Variants in COQ10A observed in about 807,000 individuals in gnomAD.
The protein encoded by COQ10A is coenzyme Q-binding protein COQ10 homolog A, mitochondrial.
In COQ10A, 25 loss-of-function variants were observed where a neutral mutation model predicts 26.1. The ratio of observed to expected loss-of-function variants is 0.96; its 90% CI spans 0.70 to 1.34. COQ10A has a LOEUF of 1.34. Ranked by LOEUF, COQ10A falls within the 40% of genes most tolerant of loss-of-function variation. The pLI, the probability that COQ10A is intolerant of heterozygous loss-of-function variation, is 0.00. For missense variants in COQ10A, 312 were observed against 335.4 expected (o/e 0.93, Z 0.54); for synonymous variants, 132 against 124.0 (o/e 1.06, Z -0.43).
At chr12:56,267,373 G>T (rs1872380016) in intron 1 of COQ10A, 121 bp downstream of exon 1, 1 of 1,613,950 alleles carries the variant, frequency 6.2e-7, no homozygotes, top group African/African-American at 1.3e-5. Flanking sequence ...CATGCCCTGG[G>T]AGCTAACGTA....
Position 56,270,166 on chromosome 12 carries a change from G to A in COQ10A, c.593G>A (p.Arg198His), listed in dbSNP as rs200814186. The A allele has an allele frequency of 4.1e-5, 66 of 1,613,764 alleles. No individual in the cohort carries two copies. The Admixed American group carries it at 7.0e-4, about 17-fold the overall frequency. Residue 198 changes from arginine (R) to histidine (H), a missense_variant, in exon 5 of 5, where the codon CGT becomes CAT. Coordinates refer to ENST00000308197, the MANE Select transcript of COQ10A (RefSeq NM_144576.4). Reference sequence around the variant, plus strand: ...CATTCCCAGATTTCCTTTGAATTTCGTTCTCTGCTGCACTCCCAGCTGGCC... The same window carrying A: ...CATTCCCAGATTTCCTTTGAATTTCATTCTCTGCTGCACTCCCAGCTGGCC... Reference protein sequence around the residue: ...TVDFSISFEFRSLLHSQLATM... With the variant: ...TVDFSISFEFHSLLHSQLATM...
chr12:56,268,208 C>T (rs1222112253), intron 2 of COQ10A: 2 of 445,104 alleles, frequency 4.5e-6, no homozygotes, highest in Admixed American at 3.8e-5. Flanking sequence ...CGGTGGCTCA[C>T]GCCTGTAATC....
intron 4 of COQ10A, chr12:56,269,927 G>A: frequency 1.7e-6 from 1 of 579,032 alleles, no homozygotes; most frequent in Non-Finnish European, 3.1e-6. Flanking sequence ...GCACCGACCT[G>A]ACAGGGTTAT....
rs1872366035 is a variant in COQ10A, at chr12:56,266,998, C to T, written c.-121C>T. ...GCAAGGCGAGAGGTGCTGCCGCCTC[C>T]CGTCGCCCCTGCGCTCAGAGGTCCC... On this transcript the variant is annotated 5_prime_UTR_variant, in exon 1 of 5. Coordinates refer to ENST00000308197, the MANE Select transcript of COQ10A (RefSeq NM_144576.4). 9.5e-7 allele frequency: 1 copy of T among 1,049,576 alleles called. No homozygotes were observed. Among genetic ancestry groups the T allele is most frequent in the South Asian group, 4.6e-5 (1 of 21,522 alleles). 65.0% of individuals were successfully genotyped at this position (1,049,576 alleles called of 1,614,324 possible). A position where few individuals can be genotyped will look rare whatever the true frequency, so the allele number is the denominator to read the frequency against.
chr12:56,270,006 CA>C, intron 4 of COQ10A, 143 bp from the exon 5 acceptor site: 2 of 753,114 alleles, frequency 2.7e-6, no homozygotes, highest in Non-Finnish European at 2.2e-6. Flanking sequence ...ACTCCGTGCT[CA>C]GTCCCAAGTT....
chr12:56,267,031 C>T lies in COQ10A; in HGVS notation c.-88C>T. On this transcript the variant is annotated 5_prime_UTR_variant, in exon 1 of 5. Transcript: ENST00000308197. ...CCTGCGCTCAGAGGTCCCGAACCAG[C>T]CCAGCCGCTGCCTCTTGCCGCTCCG... 2 of 1,195,840 alleles carry T rather than the reference C, an allele frequency of 1.7e-6. No homozygotes were observed. Among genetic ancestry groups the T allele is most frequent in the Non-Finnish European group, 2.1e-6 (2 of 962,242 alleles). 74.1% of individuals were successfully genotyped at this position (1,195,840 alleles called of 1,614,324 possible). A position where few individuals can be genotyped will look rare whatever the true frequency, so the allele number is the denominator to read the frequency against.
intron 1 of COQ10A, 76 bp downstream of exon 1, chr12:56,267,328 A>G (rs1872378605): frequency 4.3e-6 from 7 of 1,612,926 alleles, no homozygotes; most frequent in Non-Finnish European, 5.9e-6. Context: ...GGGGTGCTAT[A>G]CTGGGATGCA....
In COQ10A at chr12:56,267,163, G is replaced by A. The variant is rs959082262; in HGVS notation, c.45G>A (p.Ala15=). The A allele has an allele frequency of 2.2e-6, 3 of 1,342,518 alleles. No homozygotes were observed. Among genetic ancestry groups the A allele is most frequent in the African/African-American group, 1.5e-5 (1 of 64,958 alleles). 83.2% of individuals were successfully genotyped at this position (1,342,518 alleles called of 1,614,324 possible). A position where few individuals can be genotyped will look rare whatever the true frequency, so the allele number is the denominator to read the frequency against. ...GGCGGGTCCCAGCTGGGACGCGCGC[G>A]GCAGCCGAGCGCTGCTGCCGGCTCT... ...GSRRVPAGTR[A]AAERCCRLSL... Residue 15 remains alanine (A), a synonymous_variant, in exon 1 of 5, where the codon GCG becomes GCA. Coordinates refer to ENST00000308197, the MANE Select transcript of COQ10A (RefSeq NM_144576.4).
chr12:56,267,765 C>A lies in COQ10A; in HGVS notation c.135-29C>A, dbSNP rs749154531. ...TGATAGAGGATTACGAAGAACTATACGGTTGGCTCCTCTTTCCTTTGGCCT... is the reference window on the plus strand; with the variant it reads ...TGATAGAGGATTACGAAGAACTATAAGGTTGGCTCCTCTTTCCTTTGGCCT... On this transcript the variant is annotated intron_variant, in intron 1 of 4. Transcript: ENST00000308197. 3 of 1,613,882 alleles carry A rather than the reference C, an allele frequency of 1.9e-6. No homozygotes were observed. The South Asian group carries it at 3.3e-5, about 18-fold the overall frequency.
chr12:56,270,145 C>A lies in COQ10A; in HGVS notation c.577-5C>A. 6.2e-7 allele frequency: 1 copy of A among 1,612,972 alleles called. No homozygotes were observed. Among genetic ancestry groups the A allele is most frequent in the Non-Finnish European group, 8.5e-7 (1 of 1,179,220 alleles). On this transcript the variant is annotated splice_polypyrimidine_tract_variant and splice_region_variant and intron_variant, in intron 4 of 4. Transcript: ENST00000308197. Reference sequence around the variant, plus strand: ...AGTTTCTGACTGTCTCTTACCCATTCCCAGATTTCCTTTGAATTTCGTTCT... The same window carrying A: ...AGTTTCTGACTGTCTCTTACCCATTACCAGATTTCCTTTGAATTTCGTTCT...
At position 56,270,039 on chromosome 12, in the gene COQ10A, G is replaced by A. The variant is rs1273108608; in HGVS notation, c.577-111G>A. The A allele has an allele frequency of 3.3e-5, 36 of 1,098,482 alleles. No homozygotes were observed. The Admixed American group carries it at 5.8e-4, about 18-fold the overall frequency. The allele number at this position is 1,098,482 out of a possible 1,614,324, so 68.0% of individuals were successfully genotyped here. A position where few individuals can be genotyped will look rare whatever the true frequency, so the allele number is the denominator to read the frequency against. On this transcript the variant is annotated intron_variant, in intron 4 of 4. Coordinates refer to ENST00000308197, the MANE Select transcript of COQ10A (RefSeq NM_144576.4). Reference sequence around the variant, plus strand: ...AGTTAGGGCTCTTACGGGGATCCACGAACTGGATGGGGAGGGGGAGAAAAG... The same window carrying A: ...AGTTAGGGCTCTTACGGGGATCCACAAACTGGATGGGGAGGGGGAGAAAAG...
intron 2 of COQ10A, 72 bp from the exon 3 acceptor site, chr12:56,268,987 A>C: frequency 7.7e-7 from 1 of 1,293,282 alleles, no homozygotes; most frequent in Non-Finnish European, 1.1e-6. Context: ...AAAGGTATGA[A>C]TTAGGGGCCT....
In COQ10A at chr12:56,269,552, G is replaced by A; in HGVS notation, c.567G>A (p.Val189=). 6.2e-7 allele frequency: 1 copy of A among 1,612,294 alleles called. No individual in the cohort carries two copies. Among genetic ancestry groups the A allele is most frequent in the Non-Finnish European group, 8.5e-7 (1 of 1,178,280 alleles). The part of the protein sequence containing the change: ...GIPAYPRTCT[V]DFSISFEFRS... ...CTGCCTATCCTCGAACCTGCACTGT[G>A]GACTTTTCGGTGAGTCAGGAGGTTG... Residue 189 remains valine (V), a synonymous_variant, in exon 4 of 5, where the codon GTG becomes GTA. Transcript: ENST00000308197.
At chr12:56,269,894 T>C (rs1380941029) in intron 4 of COQ10A, 7 of 540,706 alleles carry the variant, frequency 1.3e-5, no homozygotes, top group Non-Finnish European at 2.3e-5. Flanking sequence ...CCCAAAGTGC[T>C]GGGATTACAG....
chr12:56,270,254 C>T lies in COQ10A; in HGVS notation c.681C>T (p.Thr227=), dbSNP rs1357749019. 1.9e-6 allele frequency: 3 copies of T among 1,613,978 alleles called. No homozygotes were observed. The East Asian group carries it at 6.7e-5, about 36-fold the overall frequency. The change falls in exon 5 of 5, where the codon ACC becomes ACT. Residue 227 remains threonine (T), a synonymous_variant. Coordinates refer to ENST00000308197, the MANE Select transcript of COQ10A (RefSeq NM_144576.4). ...CTGCCTTTGAGCGTCGGGCAGCCAC[C>T]AAGTTTGGTCCAGAAACAGCCATCC... ...NVAAFERRAA[T]KFGPETAIPR...
intron 2 of COQ10A, 60 bp downstream of exon 2, chr12:56,268,000 AGGCAAG>A: frequency 6.3e-7 from 1 of 1,592,882 alleles, no homozygotes; most frequent in Non-Finnish European, 8.6e-7. Context: ...AACCCTGTCC[AGGCAAG>A]AATGTCAGGG....
At chr12:56,269,391 C>T in intron 3 of COQ10A, 69 bp from the exon 4 acceptor site, 1 of 1,461,146 alleles carries the variant, frequency 6.8e-7, no homozygotes. Flanking sequence ...AGGAAAATGG[C>T]TTTCAATTCC....
chr12:56,269,904 G>A, intron 4 of COQ10A: 1 of 548,598 alleles, frequency 1.8e-6, no homozygotes, highest in South Asian at 2.1e-5. Context: ...TGGGATTACA[G>A]GCGTGAGCCA....
chr12:56,269,865 G>T (rs896320335), intron 4 of COQ10A: 5 of 521,476 alleles, frequency 9.6e-6, no homozygotes, highest in African/African-American at 9.6e-5. Context: ...GGCCTCAGGT[G>T]ATCCGTCCGC....
Sources: allele counts gnomAD v4.1 joint callset, GRCh38; gene constraint gnomAD v4.1.1; transcripts MANE v1.5; gene names NCBI Gene and HGNC (gene_info 2026-07-23, HGNC 2026-07-21).